The following B3GAT2 variants were observed in gnomAD, a reference collection of about 807,000 sequenced individuals.
The protein encoded by B3GAT2 is beta-1,3-glucuronyltransferase 2.
B3GAT2 carries 26 observed loss-of-function variants against 27.8 expected under a neutral mutation model. The ratio of observed to expected loss-of-function variants is 0.93; its 90% CI spans 0.68 to 1.30. The LOEUF (loss-of-function observed/expected upper bound fraction) is 1.30, where lower values mean the gene tolerates loss of function less well. Among genes scored for constraint, B3GAT2 ranks in the 50% most tolerant of loss-of-function variants. B3GAT2 has a pLI of 0.00. For missense variants in B3GAT2, 458 were observed against 459.0 expected (o/e 1.00, Z 0.02); for synonymous variants, 218 against 195.1 (o/e 1.12, Z -0.98).
intron 2 of B3GAT2, among the ~76,000 whole-genome samples, chr6:70,862,542 G>T (rs2150020364): frequency 6.6e-6 from 1 of 152,234 alleles, no homozygotes; most frequent in South Asian, 2.1e-4. Flanking sequence ...TTTCTAATTT[G>T]GTTCAATCTA....
chr6:70,898,276 G>C (rs1359555960), intron 1 of B3GAT2, among the ~76,000 whole-genome samples: 1 of 151,932 alleles, frequency 6.6e-6, no homozygotes, highest in Non-Finnish European at 1.5e-5. Flanking sequence ...GCAATGTTTT[G>C]ATGATTTAAT....
chr6:70,947,473 A>T (rs1241142678), intron 1 of B3GAT2, among the ~76,000 whole-genome samples: 1 of 152,192 alleles, frequency 6.6e-6, no homozygotes, highest in African/African-American at 2.4e-5. Flanking sequence ...ATAAACTAGA[A>T]AATCTAGAAG....
At chr6:70,868,919 C>T (rs191582668) in intron 2 of B3GAT2, among the ~76,000 whole-genome samples, 7 of 152,286 alleles carry the variant, frequency 4.6e-5, no homozygotes, top group Admixed American at 4.6e-4. Context: ...GTGTTTCCAC[C>T]TTTCCTGCCC....
intron 1 of B3GAT2, among the ~76,000 whole-genome samples, chr6:70,902,668 A>G (rs1772525693): frequency 8.1e-6 from 1 of 123,174 alleles, no homozygotes; most frequent in Non-Finnish European, 1.8e-5. Flanking sequence ...ACACACACAT[A>G]TATATATATA....
chr6:70,944,052 G>A (rs529632930), intron 1 of B3GAT2, among the ~76,000 whole-genome samples: 11 of 152,250 alleles, frequency 7.2e-5, no homozygotes, highest in African/African-American at 1.9e-4. Flanking sequence ...AAACATTATA[G>A]TCTACACAAC....
chr6:70,867,019 T>C (rs768782320), intron 2 of B3GAT2, among the ~76,000 whole-genome samples: 1 of 152,032 alleles, frequency 6.6e-6, no homozygotes, highest in Non-Finnish European at 1.5e-5. Flanking sequence ...CAAAGATACC[T>C]GGAAAATATC....
chr6:70,933,835 C>T (rs929983560), intron 1 of B3GAT2, among the ~76,000 whole-genome samples: 2 of 152,150 alleles, frequency 1.3e-5, no homozygotes, highest in African/African-American at 4.8e-5. Flanking sequence ...CCTGTTGCCC[C>T]AGACTTCTGA....
intron 2 of B3GAT2, among the ~76,000 whole-genome samples, chr6:70,879,178 G>C (rs781401565): frequency 1.4e-5 from 2 of 145,420 alleles, no homozygotes; most frequent in Non-Finnish European, 3.1e-5. Context: ...CTTTCCTTAA[G>C]TGACTTTGTT....
chr6:70,858,496 G>A lies in B3GAT2; in HGVS notation c.*3167C>T. 6.8e-6 allele frequency: 2 copies of A among 293,416 alleles called. No individual in the cohort carries two copies. Among genetic ancestry groups the A allele is most frequent in the Non-Finnish European group, 1.3e-5 (2 of 158,942 alleles). 18.2% of individuals were successfully genotyped at this position (293,416 alleles called of 1,614,324 possible). A position where few individuals can be genotyped will look rare whatever the true frequency, so the allele number is the denominator to read the frequency against. ...TTTCAAATTGTAATGTAACTGTAACGTGAACACCACTAATGGCCAGAAATT... is the reference window on the plus strand; with the variant it reads ...TTTCAAATTGTAATGTAACTGTAACATGAACACCACTAATGGCCAGAAATT... On this transcript the variant is annotated 3_prime_UTR_variant, in exon 4 of 4. Transcript: ENST00000230053.
intron 2 of B3GAT2, among the ~76,000 whole-genome samples, chr6:70,870,389 T>G (rs1483448998): frequency 6.7e-5 from 6 of 89,116 alleles, no homozygotes; most frequent in Non-Finnish European, 1.0e-4. Context: ...CAGGGACTGT[T>G]GTGGGGTGGG....
At position 70,861,125 on chromosome 6, in the gene B3GAT2, T is replaced by C. The variant is rs1309985202; in HGVS notation, c.*538A>G. 1.2e-5 allele frequency: 2 copies of C among 168,522 alleles called. No homozygotes were observed. The highest frequency in any genetic ancestry group is 4.7e-5 in the African/African-American group (2 of 42,180). The allele number at this position is 168,522 out of a possible 1,614,324, so 10.4% of individuals were successfully genotyped here. A position where few individuals can be genotyped will look rare whatever the true frequency, so the allele number is the denominator to read the frequency against. The stretch of plus-strand genomic sequence containing the variant: ...TGTTTACATTTTATGGTGCCTAGTA[T>C]TGACAAAATGTTATTTCCCTACATT... On this transcript the variant is annotated 3_prime_UTR_variant, in exon 4 of 4. Transcript: ENST00000230053.
At chr6:70,951,435 G>C (rs1229116259) in intron 1 of B3GAT2, among the ~76,000 whole-genome samples, 2 of 152,104 alleles carry the variant, frequency 1.3e-5, no homozygotes, top group Non-Finnish European at 2.9e-5. Flanking sequence ...CAGCCTAAAT[G>C]TTTAAAAGAT....
chr6:70,939,210 C>G (rs1172310167), intron 1 of B3GAT2, among the ~76,000 whole-genome samples: 1 of 145,416 alleles, frequency 6.9e-6, no homozygotes, highest in East Asian at 2.0e-4. Context: ...CCATCTCACA[C>G]CAGTTAGAAT....
Position 70,956,718 on chromosome 6 carries a change from G to T in B3GAT2, c.-289C>A, listed in dbSNP as rs1256248472. ...GCGGGACTCGGTCCAGCCGCGCGCC[G>T]CCGGTCCCGGAGTTGTGCCGAGTGC... On this transcript the variant is annotated 5_prime_UTR_variant, in exon 1 of 4. Transcript: ENST00000230053. 3 of 1,330,548 alleles carry T rather than the reference G, an allele frequency of 2.3e-6. No individual in the cohort carries two copies. Among genetic ancestry groups the T allele is most frequent in the South Asian group, 1.6e-5 (1 of 62,030 alleles). 82.4% of individuals were successfully genotyped at this position (1,330,548 alleles called of 1,614,324 possible).
At chr6:70,940,475 C>T (rs1295074321) in intron 1 of B3GAT2, among the ~76,000 whole-genome samples, 2 of 152,126 alleles carry the variant, frequency 1.3e-5, no homozygotes, top group East Asian at 1.9e-4. Flanking sequence ...TAAAATACTG[C>T]TTCTAATCAT....
intron 1 of B3GAT2, among the ~76,000 whole-genome samples, chr6:70,946,025 G>C (rs1765477189): frequency 2.0e-5 from 3 of 151,986 alleles, no homozygotes; most frequent in African/African-American, 7.3e-5. Flanking sequence ...CAAATGCTGA[G>C]AGATTTTGCC....
At chr6:70,908,000 G>A (rs1017902318) in intron 1 of B3GAT2, among the ~76,000 whole-genome samples, 3 of 152,148 alleles carry the variant, frequency 2.0e-5, no homozygotes, top group African/African-American at 4.8e-5. Flanking sequence ...CCATTCTGTT[G>A]GACCAGAAGT....
Position 70,956,023 on chromosome 6 carries a change from G to A in B3GAT2, c.407C>T (p.Pro136Leu), listed in dbSNP as rs1199915490. Reference sequence around the variant, plus strand: ...CGTGGGCACGTGCAGGTGAGTGCTGGGCAGCCCGGCCCGCGCCAGGAAGCG... The same window carrying A: ...CGTGGGCACGTGCAGGTGAGTGCTGAGCAGCCCGGCCCGCGCCAGGAAGCG... ...VSRFLARAGLPSTHLHVPTPR... is the reference protein window; with the variant it reads ...VSRFLARAGLLSTHLHVPTPR... Residue 136 changes from proline to leucine, a missense_variant, in exon 1 of 4, where the codon CCC becomes CTC. Physicochemically the swap from Pro to Leu is moderately conservative, Grantham distance 98 (BLOSUM62 -3). Coordinates refer to ENST00000230053, the MANE Select transcript of B3GAT2 (RefSeq NM_080742.3). The A allele has an allele frequency of 6.5e-7, 1 of 1,532,598 alleles. No homozygotes were observed. The highest frequency in any genetic ancestry group is 8.7e-7 in the Non-Finnish European group (1 of 1,147,578). The allele number at this position is 1,532,598 out of a possible 1,614,324, so 94.9% of individuals were successfully genotyped here.
At position 70,866,006 on chromosome 6, in the gene B3GAT2, G is replaced by C. The variant is rs118043992; in HGVS notation, c.737-4028C>G. Reference sequence around the variant, plus strand: ...AATTTGAGGAGGCCAAGACAACTAGGATATGCAGGGTGGAGTACTAGAGAA... The same window carrying C: ...AATTTGAGGAGGCCAAGACAACTAGCATATGCAGGGTGGAGTACTAGAGAA... On this transcript the variant is annotated intron_variant, in intron 2 of 3. Coordinates refer to ENST00000230053, the MANE Select transcript of B3GAT2 (RefSeq NM_080742.3). 4.4e-4 allele frequency among the ~76,000 whole-genome samples: 67 copies of C among 152,308 alleles called. 1 individual carries two copies. Among genetic ancestry groups the C allele is most frequent in the East Asian group, 3.3e-3 (17 of 5,192 alleles).
Sources: gnomAD v4.1 joint callset for allele counts (sites outside exome capture counted in the v4.1 genomes callset) on GRCh38, gnomAD v4.1.1 for gene constraint, MANE v1.5 for transcripts, NCBI Gene and HGNC (gene_info 2026-07-23, HGNC 2026-07-21) for gene names.